PDE1A: variants seen among roughly 807,000 people sequenced by gnomAD.
PDE1A encodes the protein phosphodiesterase 1A, also known as dual specificity calcium/calmodulin-dependent 3',5'-cyclic nucleotide phosphodiesterase 1A.
A neutral mutation model predicts 61.7 loss-of-function variants in PDE1A; 35 were observed. The ratio of observed to expected loss-of-function variants is 0.57; its 90% CI spans 0.43 to 0.75. The LOEUF is 0.75. Ranked by LOEUF, PDE1A falls within the 30% of genes least tolerant of loss-of-function variation. The probability of loss-of-function intolerance (pLI) is 0.00; values close to 1 mark genes in which losing one functional copy is unlikely to be tolerated. For synonymous variants in PDE1A, 232 were observed against 213.2 expected (o/e 1.09, Z -0.77); for missense variants, 597 against 630.6 (o/e 0.95, Z 0.57).
chr2:182,164,510 G>A (rs1175047467), downstream of PDE1A, among the ~76,000 whole-genome samples: 1 of 152,134 alleles, frequency 6.6e-6, no homozygotes, highest in Non-Finnish European at 1.5e-5. Context: ...CAGCAGAGGA[G>A]GGTGTTAATA....
the PDE1A span, among the ~76,000 whole-genome samples, chr2:182,571,303 A>C: frequency 6.6e-6 from 1 of 152,216 alleles, no homozygotes; most frequent in Admixed American, 6.5e-5. Flanking sequence ...AGAGAATGAA[A>C]AAAGAATAAT....
At chr2:182,169,643 A>G (rs184214356) in intron 13 of PDE1A, among the ~76,000 whole-genome samples, 2 of 152,210 alleles carry the variant, frequency 1.3e-5, no homozygotes, top group East Asian at 3.9e-4. Context: ...AACTATGAGT[A>G]AACATCTAAG....
chr2:182,360,460 A>G (rs963248050), intron 1 of PDE1A, among the ~76,000 whole-genome samples: 2 of 151,816 alleles, frequency 1.3e-5, no homozygotes, highest in African/African-American at 4.8e-5. Context: ...TCTGAATTGC[A>G]AGACCAAACA....
At chr2:182,434,596 G>T (rs1015762281) in intron 2 of PDE1A, among the ~76,000 whole-genome samples, 4 of 151,792 alleles carry the variant, frequency 2.6e-5, no homozygotes, top group African/African-American at 7.3e-5. Flanking sequence ...AGCCCTCCTG[G>T]CCTAATCACC....
chr2:182,555,250 T>A, the PDE1A span, among the ~76,000 whole-genome samples: 1 of 152,212 alleles, frequency 6.6e-6, no homozygotes, highest in Non-Finnish European at 1.5e-5. Context: ...ACAACAGCTT[T>A]CCATGCTACC....
At chr2:182,512,698 G>T (rs1689881581) in intron 2 of PDE1A, among the ~76,000 whole-genome samples, 1 of 152,220 alleles carries the variant, frequency 6.6e-6, no homozygotes, top group African/African-American at 2.4e-5. Context: ...AGGAATCTAA[G>T]AAATCTATTA....
At chr2:182,434,612 A>G (rs866349017) in intron 2 of PDE1A, among the ~76,000 whole-genome samples, 1 of 152,052 alleles carries the variant, frequency 6.6e-6, no homozygotes, top group Non-Finnish European at 1.5e-5. Context: ...TCACCTCTTA[A>G]AAGTCCCCAC....
chr2:182,527,895 T>C (rs1025644355), upstream of PDE1A, among the ~76,000 whole-genome samples: 3 of 152,136 alleles, frequency 2.0e-5, no homozygotes, highest in Non-Finnish European at 4.4e-5. Context: ...TGCCACCATG[T>C]AAGATGTGAC....
intron 13 of PDE1A, among the ~76,000 whole-genome samples, chr2:182,182,138 G>C (rs1684818103): frequency 1.3e-5 from 2 of 152,136 alleles, no homozygotes; most frequent in South Asian, 4.1e-4. Flanking sequence ...TTGTCGAGAA[G>C]TATGGCACAT....
chr2:182,427,982 G>A (rs772539224), upstream of PDE1A, among the ~76,000 whole-genome samples: 1 of 152,190 alleles, frequency 6.6e-6, no homozygotes, highest in Non-Finnish European at 1.5e-5. Context: ...GATACTATCT[G>A]TAGTTATTGG....
the PDE1A span, among the ~76,000 whole-genome samples, chr2:182,701,269 T>G: frequency 1.3e-5 from 2 of 152,006 alleles, no homozygotes; most frequent in African/African-American, 4.8e-5. Flanking sequence ...TCTCCTGACC[T>G]CGTGATCCGC....
intron 1 of PDE1A, among the ~76,000 whole-genome samples, chr2:182,347,732 C>A (rs1397151835): frequency 6.6e-6 from 1 of 151,872 alleles, no homozygotes; most frequent in Non-Finnish European, 1.5e-5. Context: ...CTAGAAAAGA[C>A]AAGAATGTAT....
At chr2:182,547,298 A>C in the PDE1A span, among the ~76,000 whole-genome samples, 1,648 of 152,294 alleles carry the variant, frequency 0.011, 20 homozygotes, top group Middle Eastern at 0.034. Context: ...TGCTGTCCAT[A>C]TGTGTCTAGC....
intron 1 of PDE1A, among the ~76,000 whole-genome samples, chr2:182,285,669 A>C (rs772585347): frequency 2.0e-5 from 3 of 152,108 alleles, no homozygotes; most frequent in African/African-American, 7.2e-5. Flanking sequence ...GCAGCCTTAA[A>C]TGCAGCAGCT....
Position 182,191,796 on chromosome 2 carries a change from C to T in PDE1A, c.1126-2736G>A, listed in dbSNP as rs541645508. Among the ~76,000 whole-genome samples, 4 of 150,984 alleles carry T rather than the reference C, an allele frequency of 2.6e-5. No homozygotes were observed. In the East Asian group the frequency reaches 7.8e-4, roughly 29 times the overall value. ...ATACTCTGTGGTACAAGCTCTTTGG[C>T]CCCAAAATGATAACTTTGGCCTGAG... is the stretch of plus-strand genomic sequence containing the variant. On this transcript the variant is annotated intron_variant, in intron 10 of 13. Coordinates refer to ENST00000351439, the Ensembl canonical transcript of PDE1A.
At chr2:182,296,051 C>G (rs1168812517) in intron 1 of PDE1A, among the ~76,000 whole-genome samples, 2 of 152,160 alleles carry the variant, frequency 1.3e-5, no homozygotes, top group African/African-American at 4.8e-5. Context: ...CAAGGTAATG[C>G]TTTCAAGCTT....
chr2:182,575,076 C>T, the PDE1A span, among the ~76,000 whole-genome samples: 29 of 152,154 alleles, frequency 1.9e-4, no homozygotes, highest in Non-Finnish European at 3.2e-4. Context: ...CCTTCTTCTA[C>T]GACCCATTCT....
At chr2:182,378,250 G>A (rs1305419564) in intron 1 of PDE1A, among the ~76,000 whole-genome samples, 1 of 152,138 alleles carries the variant, frequency 6.6e-6, no homozygotes, top group East Asian at 1.9e-4. Context: ...TTTGCATAAT[G>A]AGTCATTTCA....
chr2:182,366,634 T>A (rs1574465359), intron 1 of PDE1A, among the ~76,000 whole-genome samples: 1 of 151,500 alleles, frequency 6.6e-6, no homozygotes, highest in African/African-American at 2.4e-5. Flanking sequence ...TCATTTCACA[T>A]GAGACATTTT....
Sources: gnomAD v4.1 joint callset for allele counts (sites outside exome capture counted in the v4.1 genomes callset) on GRCh38, gnomAD v4.1.1 for gene constraint, MANE v1.5 for transcripts, NCBI Gene and HGNC (gene_info 2026-07-23, HGNC 2026-07-21) for gene names.